Variants in CATSPER4 observed in about 807,000 individuals in gnomAD.
CATSPER4 encodes cation channel sperm-associated protein 4.
Under a neutral mutation model 54.4 loss-of-function variants are expected in CATSPER4, and 46 were observed. That is an observed-to-expected ratio of 0.84 (90% CI 0.67 to 1.08). CATSPER4 has a LOEUF of 1.08. Among genes scored for constraint, CATSPER4 ranks in the 50% least tolerant of loss-of-function variants. The probability of loss-of-function intolerance (pLI) is 0.00; values close to 1 mark genes in which losing one functional copy is unlikely to be tolerated. For missense variants in CATSPER4, 574 were observed against 612.8 expected, an observed-to-expected ratio of 0.94 and a Z score of 0.67; for synonymous variants, 230 against 231.9, an observed-to-expected ratio of 0.99 and a Z score of 0.08.
chr1:26,200,181 C>A, intron 7 of CATSPER4, 123 bp downstream of exon 7: 1 of 1,134,412 alleles, frequency 8.8e-7, no homozygotes, highest in South Asian at 1.5e-5. Flanking sequence ...AGTTGGAGGC[C>A]TGGAGGCAGC....
chr1:26,202,535 G>T lies in CATSPER4; in HGVS notation c.1412G>T (p.Ser471Ile). 1 of 1,610,640 alleles carries T rather than the reference G, an allele frequency of 6.2e-7. No individual in the cohort carries two copies. Among genetic ancestry groups the T allele is most frequent in the Middle Eastern group, 1.7e-4 (1 of 6,042 alleles). Residue 471 changes from serine to isoleucine, a missense_variant, in exon 10 of 10, where the codon AGC becomes ATC. Ser to Ile is a moderately radical substitution (Grantham distance 142). Coordinates refer to ENST00000456354, the MANE Select transcript of CATSPER4 (RefSeq NM_198137.2). ...ATACTCCTTAAAAAACACAAGAGCA[G>T]CCACTGAGAGGCCAGGATGGGAGCC... ...SQILLKKHKS[S>I]H
At chr1:26,200,672 C>A (rs11247870) in intron 7 of CATSPER4, among the ~76,000 whole-genome samples, 158 bp from the exon 8 acceptor site, 56,801 of 151,614 alleles carry the variant, frequency 0.37, 12,182 homozygotes, top group Non-Finnish European at 0.47. Flanking sequence ...AGTTGGGTTC[C>A]CCCAGCAAGG....
At chr1:26,199,148 A>G (rs111318643) in intron 6 of CATSPER4, among the ~76,000 whole-genome samples, 2,593 of 152,144 alleles carry the variant, frequency 0.017, 68 homozygotes, top group African/African-American at 0.059. Flanking sequence ...CTAAAAATAC[A>G]AAAACAAAGC....
intron 2 of CATSPER4, 45 bp from the exon 3 acceptor site, chr1:26,193,742 T>G: frequency 2.3e-6 from 3 of 1,322,694 alleles, no homozygotes; most frequent in Non-Finnish European, 3.3e-6. Context: ...CAGGCCCTGC[T>G]CCACTGACCT....
chr1:26,190,769 ACCATTCACGAGTCCTACGGTCGG>A lies in CATSPER4; in HGVS notation c.146_168del (p.Ile49ArgfsTer67). On this transcript the variant is annotated frameshift_variant, in exon 1 of 10. Coordinates refer to ENST00000456354, the MANE Select transcript of CATSPER4 (RefSeq NM_198137.2). LOFTEE classifies it high-confidence loss of function. ...GGGCCGCCCCTCTCCCCTGCAGAGT[ACCATTCACGAGTCCTACGGTCGG>A]CCAGAGGAGCAAGTGCTCATCAACC... The A allele has an allele frequency of 6.2e-7, 1 of 1,613,514 alleles. No individual in the cohort carries two copies. Among genetic ancestry groups the A allele is most frequent in the Non-Finnish European group, 8.5e-7 (1 of 1,179,860 alleles).
At chr1:26,191,133 T>A (rs551973961) in intron 1 of CATSPER4, among the ~76,000 whole-genome samples, 154 bp from the exon 2 acceptor site, 16 of 151,912 alleles carry the variant, frequency 1.1e-4, no homozygotes, top group Admixed American at 4.6e-4. Context: ...TAGATAGTGA[T>A]CTCTACACTG....
rs2088988677 is a variant in CATSPER4, at chr1:26,199,955, C to A, written c.884C>A (p.Ala295Asp). The A allele has an allele frequency of 1.9e-6, 3 of 1,614,170 alleles. No individual in the cohort carries two copies. Among genetic ancestry groups the A allele is most frequent in the Non-Finnish European group, 2.5e-6 (3 of 1,180,012 alleles). The stretch of plus-strand genomic sequence containing the variant: ...TTTACCATCTTCATCACCATCGGTG[C>A]CTTCATTGGCATCAACCTGTTCGTC... Reference protein sequence around the residue: ...IYFTIFITIGAFIGINLFVIV... With the variant: ...IYFTIFITIGDFIGINLFVIV... The change falls in exon 7 of 10, where the codon GCC (alanine) becomes GAC (aspartate). Residue 295 changes from alanine to aspartate, a missense_variant. Coordinates refer to ENST00000456354, the MANE Select transcript of CATSPER4 (RefSeq NM_198137.2).
At chr1:26,202,293 C>G (rs1339063498) in intron 9 of CATSPER4, among the ~76,000 whole-genome samples, 196 bp from the exon 10 acceptor site, 3 of 152,090 alleles carry the variant, frequency 2.0e-5, no homozygotes, top group Non-Finnish European at 4.4e-5. Flanking sequence ...TTTTTCTGCC[C>G]CTCCACACCA....
At chr1:26,192,344 C>A (rs1364980977) in intron 2 of CATSPER4, among the ~76,000 whole-genome samples, 1 of 151,948 alleles carries the variant, frequency 6.6e-6, no homozygotes, top group Non-Finnish European at 1.5e-5. Flanking sequence ...AATCCCAACA[C>A]TTTGGCAGGC....
Position 26,202,575 on chromosome 1 carries a change from C to T in CATSPER4, c.*33C>T. On this transcript the variant is annotated 3_prime_UTR_variant, in exon 10 of 10. Transcript: ENST00000456354. The stretch of plus-strand genomic sequence containing the variant: ...GGATGGGAGCCAAGGGGCCTGCACA[C>T]ACACACCCAGCCGCTGCGTCTTCCT... 1 of 1,591,652 alleles carries T rather than the reference C, an allele frequency of 6.3e-7. No homozygotes were observed. The highest frequency in any genetic ancestry group is 1.1e-5 in the South Asian group (1 of 89,286).
chr1:26,195,026 G>A (rs1313040380), intron 3 of CATSPER4, among the ~76,000 whole-genome samples: 2 of 152,226 alleles, frequency 1.3e-5, no homozygotes, highest in African/African-American at 4.8e-5. Flanking sequence ...GGAGTTTGCA[G>A]TGAGCTGAGA....
intron 9 of CATSPER4, 184 bp downstream of exon 9, chr1:26,201,703 T>C (rs2124530887): frequency 1.6e-6 from 1 of 616,004 alleles, no homozygotes; most frequent in South Asian, 1.9e-5. Context: ...TTTTTTTTTT[T>C]TTTTGAGACG....
At position 26,197,938 on chromosome 1, in the gene CATSPER4, C is replaced by T. The variant is rs2088961083; in HGVS notation, c.558-19C>T. 1 of 1,612,492 alleles carries T rather than the reference C, an allele frequency of 6.2e-7. No homozygotes were observed. Among genetic ancestry groups the T allele is most frequent in the Admixed American group, 1.7e-5 (1 of 60,026 alleles). On this transcript the variant is annotated intron_variant, in intron 4 of 9. Coordinates refer to ENST00000456354, the MANE Select transcript of CATSPER4 (RefSeq NM_198137.2). Reference sequence around the variant, plus strand: ...GGCTGGGAAGGGCCTAGGGGCACCCCTGACAGGCTCTGCCACAGGGCGCTT... The same window carrying T: ...GGCTGGGAAGGGCCTAGGGGCACCCTTGACAGGCTCTGCCACAGGGCGCTT...
At chr1:26,198,916 T>G (rs1480337675) in intron 6 of CATSPER4, among the ~76,000 whole-genome samples, 5 of 152,242 alleles carry the variant, frequency 3.3e-5, no homozygotes, top group Non-Finnish European at 5.9e-5. Flanking sequence ...ACCCCTTAAC[T>G]GATTTCTTTT....
At chr1:26,199,457 G>C (rs1302865646) in intron 6 of CATSPER4, among the ~76,000 whole-genome samples, 1 of 150,878 alleles carries the variant, frequency 6.6e-6, no homozygotes, top group Non-Finnish European at 1.5e-5. Flanking sequence ...AAATTAGCCA[G>C]GCGTGGTGGC....
intron 7 of CATSPER4, among the ~76,000 whole-genome samples, chr1:26,200,491 G>A (rs1432450726): frequency 3.3e-5 from 5 of 152,164 alleles, no homozygotes; most frequent in Non-Finnish European, 7.3e-5. Flanking sequence ...GTTGGGGAAA[G>A]GGGTGGAGTA....
chr1:26,192,418 C>T (rs567776713), intron 2 of CATSPER4, among the ~76,000 whole-genome samples: 101 of 151,962 alleles, frequency 6.6e-4, no homozygotes, highest in African/African-American at 2.3e-3. Context: ...GGTGAAACCC[C>T]GTCTCTATTA....
chr1:26,198,430 G>A lies in CATSPER4; in HGVS notation c.812+11G>A, dbSNP rs202180368. 4.3e-6 allele frequency: 7 copies of A among 1,614,040 alleles called. No individual in the cohort carries two copies. In the Admixed American group the frequency reaches 1.0e-4, roughly 23 times the overall value. ...CTACAGTGACTTCCAGTGAGTGCCA[G>A]TGGGACTTCCAGCCTCATCCCACCT... On this transcript the variant is annotated intron_variant, in intron 6 of 9. Coordinates refer to ENST00000456354, the MANE Select transcript of CATSPER4 (RefSeq NM_198137.2).
intron 3 of CATSPER4, among the ~76,000 whole-genome samples, chr1:26,194,822 C>T (rs1405049952): frequency 6.6e-6 from 1 of 152,144 alleles, no homozygotes; most frequent in South Asian, 2.1e-4. Flanking sequence ...TGCAGTGGCT[C>T]ATGCCTGTAA....
Sources: gnomAD v4.1 joint callset for allele counts (sites outside exome capture counted in the v4.1 genomes callset) on GRCh38, gnomAD v4.1.1 for gene constraint, MANE v1.5 for transcripts, NCBI Gene and HGNC (gene_info 2026-07-23, HGNC 2026-07-21) for gene names.